PLEKHG5: variants seen among roughly 807,000 people sequenced by gnomAD.
PLEKHG5 encodes the protein pleckstrin homology and RhoGEF domain containing G5.
A neutral mutation model predicts 103.8 loss-of-function variants in PLEKHG5; 52 were observed. The ratio of observed to expected loss-of-function variants is 0.50; its 90% CI spans 0.40 to 0.63. The LOEUF (loss-of-function observed/expected upper bound fraction) is 0.63. Among genes scored for constraint, PLEKHG5 ranks in the 30% least tolerant of loss-of-function variants. PLEKHG5 has a pLI of 0.00. For missense variants in PLEKHG5, 1,205 were observed against 1,347.6 expected (o/e 0.89, Z 1.66); for synonymous variants, 592 against 575.5 (o/e 1.03, Z -0.41).
At position 6,472,609 on chromosome 1, in the gene PLEKHG5, C is replaced by T. The variant is rs759306471; in HGVS notation, c.998G>A (p.Arg333Gln). 24 of 1,612,344 alleles carry T rather than the reference C, an allele frequency of 1.5e-5. No individual in the cohort carries two copies. The highest frequency in any genetic ancestry group is 5.0e-5 in the Admixed American group (3 of 59,888). ...LIDGHEKLTR[R>Q]QCHQQEAVWE... ...CACCGCCTCCTGCTGGTGGCACTGC[C>T]GCCGGGTCAGCTTCTAGAGGGAGGG... is the stretch of plus-strand genomic sequence containing the variant. The change falls in exon 10 of 21, where the codon CGG (arginine) becomes CAG (glutamine). Residue 333 changes from arginine (R) to glutamine (Q), a missense_variant. Transcript: ENST00000377728.
At chr1:6,478,697 G>A (rs1319650196) in intron 1 of PLEKHG5, among the ~76,000 whole-genome samples, 2 of 152,052 alleles carry the variant, frequency 1.3e-5, no homozygotes, top group South Asian at 2.1e-4. Context: ...AGGCTGGAGT[G>A]CAATGGCACG....
chr1:6,477,453 A>T, intron 2 of PLEKHG5, 76 bp downstream of exon 2: 1 of 1,455,648 alleles, frequency 6.9e-7, no homozygotes, highest in Non-Finnish European at 9.5e-7. Flanking sequence ...ATGACGCCCT[A>T]GCACGTTTCC....
At chr1:6,501,429 G>A, upstream of PLEKHG5, among the ~76,000 whole-genome samples, 1 of 152,172 alleles carries the variant, frequency 6.6e-6, no homozygotes, top group Non-Finnish European at 1.5e-5. This position sits in a 1 kb window ranked among gnomAD's most constrained non-coding sequence, Gnocchi z 4.3. Flanking sequence ...AGGTGAACGT[G>A]TCCTTGCTGG....
intron 1 of PLEKHG5, among the ~76,000 whole-genome samples, chr1:6,511,400 T>C (rs1183466460): frequency 6.6e-6 from 1 of 152,106 alleles, no homozygotes; most frequent in African/African-American, 2.4e-5. Context: ...CTCTGTAAAA[T>C]GGAGACAATC....
chr1:6,495,399 T>A (rs1235666107), upstream of PLEKHG5, among the ~76,000 whole-genome samples: 3 of 151,990 alleles, frequency 2.0e-5, no homozygotes, highest in Non-Finnish European at 4.4e-5. Flanking sequence ...TGTGTGTGTG[T>A]CTGGGTGGAG....
At chr1:6,512,272 A>G (rs4509598) in intron 1 of PLEKHG5, among the ~76,000 whole-genome samples, 150,549 of 152,312 alleles carry the variant, frequency 0.99, 74,422 homozygotes, top group East Asian at 1. Flanking sequence ...CTGTGGGGTC[A>G]TCCCAGGCCG....
chr1:6,468,063 G>A lies in PLEKHG5; in HGVS notation c.2773C>T (p.Pro925Ser). 6.4e-7 allele frequency: 1 copy of A among 1,574,692 alleles called. No homozygotes were observed. Among genetic ancestry groups the A allele is most frequent in the Non-Finnish European group, 8.6e-7 (1 of 1,162,350 alleles). The change falls in exon 20 of 21, where the codon CCC (proline) becomes TCC (serine). Residue 925 changes from proline (P) to serine (S), a missense_variant. Physicochemically the swap from Pro to Ser is moderately conservative, Grantham distance 74. Transcript: ENST00000377728. ...RTQGSPQEAG[P>S]SWDCRGAPSP... ...GGGGCCCCTCGGCAATCCCAGCTGG[G>A]CCCAGCTTCCTGAGGGGAGCCCTGA...
At chr1:6,499,629 G>A (rs2148629805), upstream of PLEKHG5, among the ~76,000 whole-genome samples, 2 of 152,220 alleles carry the variant, frequency 1.3e-5, no homozygotes, top group Middle Eastern at 3.4e-3. Flanking sequence ...GTGGGGCTTG[G>A]GGGTGAGGTC....
At chr1:6,506,652 C>T (rs550757927) in intron 1 of PLEKHG5, among the ~76,000 whole-genome samples, 5 of 152,316 alleles carry the variant, frequency 3.3e-5, no homozygotes, top group South Asian at 2.1e-4. Flanking sequence ...CCTGTGGGGA[C>T]GCCGTGGGCT....
chr1:6,511,748 C>T (rs957494686), intron 1 of PLEKHG5, among the ~76,000 whole-genome samples: 1 of 152,248 alleles, frequency 6.6e-6, no homozygotes, highest in Non-Finnish European at 1.5e-5. Context: ...GTGGGCACTG[C>T]AGGCTGCCTG....
At chr1:6,493,581 C>T (rs1430768088), upstream of PLEKHG5, among the ~76,000 whole-genome samples, 1 of 152,194 alleles carries the variant, frequency 6.6e-6, no homozygotes, top group Non-Finnish European at 1.5e-5. Flanking sequence ...AGAAGCTTCA[C>T]TGAGACAAGC....
intron 1 of PLEKHG5, among the ~76,000 whole-genome samples, chr1:6,479,607 T>A (rs1031173832): frequency 1.3e-5 from 2 of 150,910 alleles, no homozygotes; most frequent in Non-Finnish European, 3.0e-5. Flanking sequence ...GGTCTTTTAT[T>A]ACATTGACTT....
chr1:6,482,857 C>T (rs188400564), intron 1 of PLEKHG5, among the ~76,000 whole-genome samples: 2 of 152,172 alleles, frequency 1.3e-5, no homozygotes, highest in Non-Finnish European at 2.9e-5. Context: ...TACAAGCACA[C>T]GCCACCACAC....
Position 6,470,374 on chromosome 1 carries a change from A to G in PLEKHG5, c.1681-19T>C. On this transcript the variant is annotated intron_variant, in intron 15 of 20. Transcript: ENST00000377728. ...TCAGGAGCTGGGGACGGATGGCGTG[A>G]ACGTAGGGGAGGCCAGAGACTGACT... The G allele has an allele frequency of 6.2e-7, 1 of 1,613,818 alleles. No homozygotes were observed. The highest frequency in any genetic ancestry group is 8.5e-7 in the Non-Finnish European group (1 of 1,179,962).
intron 5 of PLEKHG5, 95 bp downstream of exon 5, chr1:6,474,944 CCACACAGA>C: frequency 1.2e-6 from 1 of 829,838 alleles, no homozygotes. Flanking sequence ...TCACGGGCCA[CCACACAGA>C]CACACACGTC....
intron 1 of PLEKHG5, among the ~76,000 whole-genome samples, chr1:6,512,061 G>A (rs1638488061): frequency 6.6e-6 from 1 of 152,194 alleles, no homozygotes; most frequent in Non-Finnish European, 1.5e-5. Flanking sequence ...GGCCTTCAAG[G>A]TGGCATCTCC....
At chr1:6,492,789 C>T (rs551574783), upstream of PLEKHG5, among the ~76,000 whole-genome samples, 2 of 152,084 alleles carry the variant, frequency 1.3e-5, no homozygotes, top group Non-Finnish European at 2.9e-5. Context: ...GTGGACTGCT[C>T]TACATATCTT....
At chr1:6,512,565 C>T (rs778132672) in intron 1 of PLEKHG5, among the ~76,000 whole-genome samples, 1 of 152,228 alleles carries the variant, frequency 6.6e-6, no homozygotes, top group African/African-American at 2.4e-5. Context: ...CCATCATCAC[C>T]CACCCAACCA....
chr1:6,485,411 T>C, intron 1 of PLEKHG5: 3 of 1,355,164 alleles, frequency 2.2e-6, no homozygotes, highest in Non-Finnish European at 2.8e-6. Flanking sequence ...TGGAGGCTGC[T>C]AGGCGTCCGG....
Sources: gnomAD v4.1 joint callset for allele counts (sites outside exome capture counted in the v4.1 genomes callset) on GRCh38, gnomAD v4.1.1 for gene constraint, Gnocchi (gnomAD v3.1) non-coding constraint, MANE v1.5 for transcripts, NCBI Gene and HGNC (gene_info 2026-07-23, HGNC 2026-07-21) for gene names.